The following PCNX4 variants were observed in gnomAD, a reference collection of about 807,000 sequenced individuals.
PCNX4 encodes pecanex-like protein 4.
In PCNX4, 103 loss-of-function variants were observed where a neutral mutation model predicts 107.2. That is an observed-to-expected ratio of 0.96 (90% CI 0.82 to 1.13). The LOEUF is 1.13. Among genes scored for constraint, PCNX4 ranks in the 50% most tolerant of loss-of-function variants. The probability of loss-of-function intolerance (pLI) is 0.00; values close to 1 mark genes in which losing one functional copy is unlikely to be tolerated. For missense variants in PCNX4, 1,528 were observed against 1,379.4 expected, an observed-to-expected ratio of 1.11 and a Z score of -1.71; for synonymous variants, 541 against 481.7, an observed-to-expected ratio of 1.12 and a Z score of -1.61.
intron 10 of PCNX4, among the ~76,000 whole-genome samples, chr14:60,129,051 A>G (rs2140566174): frequency 6.6e-6 from 1 of 152,046 alleles, no homozygotes; most frequent in East Asian, 1.9e-4. Flanking sequence ...TGTCTCTACT[A>G]AAACTACAAA....
intron 10 of PCNX4, among the ~76,000 whole-genome samples, chr14:60,131,657 T>C (rs1896157473): frequency 6.6e-6 from 1 of 152,244 alleles, no homozygotes. Context: ...CACAGTCCTT[T>C]TCAGAATTCC....
intron 10 of PCNX4, among the ~76,000 whole-genome samples, chr14:60,128,909 T>A (rs1241228327): frequency 6.6e-6 from 1 of 151,222 alleles, no homozygotes; most frequent in Non-Finnish European, 1.5e-5. Context: ...AGAAATAGCA[T>A]TTTTTTTTAA....
intron 8 of PCNX4, among the ~76,000 whole-genome samples, 175 bp from the exon 9 acceptor site, chr14:60,124,043 C>G (rs1385481015): frequency 3.3e-5 from 5 of 152,026 alleles, no homozygotes; most frequent in African/African-American, 7.2e-5. Context: ...TATCCAGAAT[C>G]AAATGTGTTA....
intron 1 of PCNX4, among the ~76,000 whole-genome samples, chr14:60,095,094 G>A (rs945243634): frequency 6.6e-6 from 1 of 152,126 alleles, no homozygotes; most frequent in Non-Finnish European, 1.5e-5. Context: ...TTAAGGACGT[G>A]CCCGGGAGGC....
rs1336003225 is a variant in PCNX4 at position 60,148,117 on chromosome 14, T to TAA, written c.*13897_*13898dup. ...TTTAGTGTGTCATGACCCAGTCTGATAACCTTTTATGTCTCTTAAGCATTT... is the reference window on the plus strand; with the variant it reads ...TTTAGTGTGTCATGACCCAGTCTGATAAAACCTTTTATGTCTCTTAAGCATTT... On this transcript the variant is annotated 3_prime_UTR_variant, in exon 11 of 11. Transcript: ENST00000406854. This position sits in a 1 kb window ranked among gnomAD's most constrained non-coding sequence, Gnocchi z 4.8. 1 of 152,240 alleles carries TAA rather than the reference T, an allele frequency of 6.6e-6. No individual in the cohort carries two copies. The highest frequency in any genetic ancestry group is 1.5e-5 in the Non-Finnish European group (1 of 68,030). 9.4% of individuals were successfully genotyped at this position (152,240 alleles called of 1,614,324 possible).
At position 60,118,385 on chromosome 14, in the gene PCNX4, G is replaced by T. The variant is rs192298073; in HGVS notation, c.1635G>T (p.Val545=). 66 of 1,613,346 alleles carry T rather than the reference G, an allele frequency of 4.1e-5. 1 individual carries two copies. In the Admixed American group the frequency reaches 8.7e-4, roughly 21 times the overall value. ...TCATCTCTAAATTGCAGTTTGCCGT[G>T]ACTGTGCTTTTGACATCATGGACAG... The part of the protein sequence containing the change: ...IQFISKLQFA[V]TVLLTSWTEK... The change falls in exon 7 of 11, where the codon GTG becomes GTT. Residue 545 remains valine (V), a synonymous_variant. Transcript: ENST00000406854.
At chr14:60,131,380 A>C (rs1333878454) in intron 10 of PCNX4, among the ~76,000 whole-genome samples, 1 of 152,240 alleles carries the variant, frequency 6.6e-6, no homozygotes, top group Non-Finnish European at 1.5e-5. Context: ...GCAAGATATA[A>C]GATCAACATA....
In PCNX4 at chr14:60,146,582, T is replaced by C. The variant is rs1283531129; in HGVS notation, c.*12361T>C. ...CAGTACCTTGAAGTGATACCTACAC[T>C]CCCATGTTCATTTTAGCATTATTCA... On this transcript the variant is annotated 3_prime_UTR_variant, in exon 11 of 11. Coordinates refer to ENST00000406854, the MANE Select transcript of PCNX4 (RefSeq NM_001330177.2). This position sits in a 1 kb window ranked among gnomAD's most constrained non-coding sequence, Gnocchi z 4.9. 1.3e-5 allele frequency: 2 copies of C among 152,090 alleles called. No homozygotes were observed. The highest frequency in any genetic ancestry group is 1.5e-5 in the Non-Finnish European group (1 of 68,018). 9.4% of individuals were successfully genotyped at this position (152,090 alleles called of 1,614,324 possible).
At chr14:60,120,466 C>T (rs949328685) in intron 7 of PCNX4, among the ~76,000 whole-genome samples, 1 of 152,132 alleles carries the variant, frequency 6.6e-6, no homozygotes, top group Non-Finnish European at 1.5e-5. Context: ...CAAGGACCAA[C>T]CATATAAGCA....
rs1321245443 is a variant in PCNX4 at position 60,136,903 on chromosome 14, G to C, written c.*2682G>C. The C allele has an allele frequency of 6.6e-6, 1 of 152,504 alleles. No homozygotes were observed. Among genetic ancestry groups the C allele is most frequent in the Admixed American group, 6.5e-5 (1 of 15,274 alleles). 9.4% of individuals were successfully genotyped at this position (152,504 alleles called of 1,614,324 possible). On this transcript the variant is annotated 3_prime_UTR_variant, in exon 11 of 11. Transcript: ENST00000406854. Reference sequence around the variant, plus strand: ...CATGTTTCTCACTGCCCGAACCCCTGTGAAATGTTTTACTTTGATCAAGGT... The same window carrying C: ...CATGTTTCTCACTGCCCGAACCCCTCTGAAATGTTTTACTTTGATCAAGGT...
At chr14:60,133,643 C>T (rs1322949823) in intron 10 of PCNX4, 12 of 500,952 alleles carry the variant, frequency 2.4e-5, no homozygotes, top group Non-Finnish European at 4.6e-5. Context: ...TTGTATCATT[C>T]ACCACCAAAT....
At chr14:60,119,631 A>G (rs1212807195) in intron 7 of PCNX4, among the ~76,000 whole-genome samples, 1 of 152,182 alleles carries the variant, frequency 6.6e-6, no homozygotes, top group Non-Finnish European at 1.5e-5. Context: ...ACTTTTATCC[A>G]GTGTTAATTA....
chr14:60,116,070 T>A lies in PCNX4; in HGVS notation c.1578+10T>A. On this transcript the variant is annotated intron_variant, in intron 6 of 10. Coordinates refer to ENST00000406854, the MANE Select transcript of PCNX4 (RefSeq NM_001330177.2). ...ACTCAGACTCTTACTGGTAAGTGTG[T>A]CTTTTAACAGCTTTACTGAAATATA... is the stretch of plus-strand genomic sequence containing the variant. 6.3e-7 allele frequency: 1 copy of A among 1,588,736 alleles called. No individual in the cohort carries two copies. The highest frequency in any genetic ancestry group is 1.8e-5 in the Admixed American group (1 of 54,900).
chr14:60,125,954 T>C, intron 10 of PCNX4, 131 bp downstream of exon 10: 1 of 657,260 alleles, frequency 1.5e-6, no homozygotes, highest in Non-Finnish European at 2.2e-6. Context: ...TTTTAAGGCA[T>C]TTGTAATCAT....
At chr14:60,101,140 T>A (rs182182697) in intron 1 of PCNX4, among the ~76,000 whole-genome samples, 1 of 152,362 alleles carries the variant, frequency 6.6e-6, no homozygotes, top group East Asian at 1.9e-4. Flanking sequence ...AGAAAATGTT[T>A]AAATTTACCT....
intron 10 of PCNX4, among the ~76,000 whole-genome samples, chr14:60,126,555 A>G (rs754292605): frequency 1.3e-5 from 2 of 152,218 alleles, no homozygotes; most frequent in Admixed American, 6.5e-5. Flanking sequence ...AGACTGCAGT[A>G]TTTGAACCAA....
chr14:60,133,226 T>A (rs905590176), intron 10 of PCNX4, among the ~76,000 whole-genome samples: 3 of 152,226 alleles, frequency 2.0e-5, no homozygotes, highest in Non-Finnish European at 4.4e-5. Flanking sequence ...CAAATTTTAT[T>A]ATATCCATAT....
chr14:60,104,318 C>CAAAAAAAAAAA (rs200434027), intron 1 of PCNX4, among the ~76,000 whole-genome samples: 6 of 129,568 alleles, frequency 4.6e-5, no homozygotes, highest in African/African-American at 1.8e-4. Context: ...GACTCCATCT[C>CAAAAAAAAAAA]AAAAAAAAAA....
intron 10 of PCNX4, among the ~76,000 whole-genome samples, chr14:60,128,210 A>G (rs1896090663): frequency 6.6e-6 from 1 of 152,218 alleles, no homozygotes; most frequent in South Asian, 2.1e-4. Flanking sequence ...TCTTAAATTT[A>G]TTGTAAAACA....
Sources: allele counts gnomAD v4.1 joint callset (sites outside exome capture counted in the v4.1 genomes callset), GRCh38; gene constraint gnomAD v4.1.1; non-coding constraint Gnocchi (gnomAD v3.1); transcripts MANE v1.5; gene names NCBI Gene and HGNC (gene_info 2026-07-23, HGNC 2026-07-21).